SLX4IP: variants seen among roughly 807,000 people sequenced by gnomAD.
The protein encoded by SLX4IP is protein SLX4IP.
Under a neutral mutation model 32.9 loss-of-function variants are expected in SLX4IP, and 34 were observed. The observed-to-expected ratio is 1.03, with a 90% CI of 0.79 to 1.38. The LOEUF (loss-of-function observed/expected upper bound fraction) is 1.38, where lower values mean the gene tolerates loss of function less well. Ranked by LOEUF, SLX4IP falls within the 40% of genes most tolerant of loss-of-function variation. SLX4IP has a pLI of 0.00. For missense variants in SLX4IP, 444 were observed against 479.0 expected (o/e 0.93, Z 0.68); for synonymous variants, 172 against 171.7 (o/e 1.00, Z -0.01).
chr20:10,565,243 C>T (rs1031608788), intron 4 of SLX4IP, among the ~76,000 whole-genome samples: 1 of 152,138 alleles, frequency 6.6e-6, no homozygotes, highest in Admixed American at 6.5e-5. Flanking sequence ...CTTTATTTCA[C>T]TTTTTCTCTG....
At chr20:10,494,794 C>G (rs2065652889) in intron 2 of SLX4IP, among the ~76,000 whole-genome samples, 1 of 151,970 alleles carries the variant, frequency 6.6e-6, no homozygotes, top group African/African-American at 2.4e-5. Flanking sequence ...CTATTTTAGG[C>G]TGAATTGATT....
At chr20:10,510,603 T>TTA (rs1568715934) in intron 2 of SLX4IP, among the ~76,000 whole-genome samples, 5 of 128,918 alleles carry the variant, frequency 3.9e-5, no homozygotes, top group African/African-American at 1.4e-4. Context: ...TATTATTATT[T>TTA]TTATTATTTT....
intron 6 of SLX4IP, among the ~76,000 whole-genome samples, chr20:10,618,587 T>C (rs943391627): frequency 6.6e-6 from 1 of 152,236 alleles, no homozygotes; most frequent in African/African-American, 2.4e-5. Context: ...TTTTAATACC[T>C]GAGTCTCCAT....
intron 2 of SLX4IP, among the ~76,000 whole-genome samples, chr20:10,479,603 G>C (rs1600913184): frequency 6.6e-6 from 1 of 151,136 alleles, no homozygotes; most frequent in Non-Finnish European, 1.5e-5. Context: ...GCCTGCCTTG[G>C]CTCCCAAAGT....
intron 4 of SLX4IP, among the ~76,000 whole-genome samples, chr20:10,570,772 A>C (rs1348045072): frequency 6.6e-6 from 1 of 151,788 alleles, no homozygotes; most frequent in Non-Finnish European, 1.5e-5. Flanking sequence ...CAAGTGACCC[A>C]CCCGCCTTGG....
intron 6 of SLX4IP, among the ~76,000 whole-genome samples, chr20:10,602,662 A>C (rs2066856482): frequency 6.6e-6 from 1 of 152,234 alleles, no homozygotes; most frequent in African/African-American, 2.4e-5. Context: ...TAACCGGGCC[A>C]TGAAGTGTGA....
At chr20:10,546,595 A>G (rs1284737120) in intron 2 of SLX4IP, among the ~76,000 whole-genome samples, 1 of 151,998 alleles carries the variant, frequency 6.6e-6, no homozygotes, top group Admixed American at 6.5e-5. Context: ...TATGGCTGGC[A>G]TGGTGCAGAA....
At chr20:10,548,663 C>T (rs1381729152) in intron 2 of SLX4IP, among the ~76,000 whole-genome samples, 1 of 152,170 alleles carries the variant, frequency 6.6e-6, no homozygotes, top group African/African-American at 2.4e-5. Flanking sequence ...GGCACCGCAC[C>T]AAACAAAACC....
chr20:10,517,375 G>A (rs1025751891), intron 2 of SLX4IP, among the ~76,000 whole-genome samples: 2 of 152,226 alleles, frequency 1.3e-5, no homozygotes, highest in African/African-American at 2.4e-5. Context: ...AGAACGTGAT[G>A]TAGGGTGGGG....
chr20:10,590,183 CT>C, intron 4 of SLX4IP, among the ~76,000 whole-genome samples: 1 of 152,058 alleles, frequency 6.6e-6, no homozygotes, highest in South Asian at 2.1e-4. Flanking sequence ...GTATATTAAT[CT>C]TTTTAAGACC....
intron 3 of SLX4IP, among the ~76,000 whole-genome samples, chr20:10,557,378 C>T (rs1383310564): frequency 6.6e-6 from 1 of 152,196 alleles, no homozygotes; most frequent in Non-Finnish European, 1.5e-5. Context: ...TGACCTAAAG[C>T]TGAGAAAAGG....
At chr20:10,613,146 A>G (rs1202425163) in intron 6 of SLX4IP, 2 of 452,756 alleles carry the variant, frequency 4.4e-6, no homozygotes, top group Non-Finnish European at 8.1e-6. Context: ...TGCTGTGTAC[A>G]GAAGATCCAT....
At chr20:10,513,823 G>C (rs1186636231) in intron 2 of SLX4IP, among the ~76,000 whole-genome samples, 1 of 152,170 alleles carries the variant, frequency 6.6e-6, no homozygotes, top group East Asian at 1.9e-4. Flanking sequence ...ATCTCTGTGG[G>C]ACACCTGTGG....
chr20:10,626,532 T>G lies in SLX4IP; in HGVS notation c.*3153T>G, dbSNP rs1458191114. 6.6e-6 allele frequency: 1 copy of G among 152,244 alleles called. No individual in the cohort carries two copies. Among genetic ancestry groups the G allele is most frequent in the African/African-American group, 2.4e-5 (1 of 41,460 alleles). The allele number at this position is 152,244 out of a possible 1,614,324, so 9.4% of individuals were successfully genotyped here. A position where few individuals can be genotyped will look rare whatever the true frequency, so the allele number is the denominator to read the frequency against. On this transcript the variant is annotated 3_prime_UTR_variant, in exon 8 of 8. Transcript: ENST00000334534. ...TATAACTTTGAATTTCCTAACTTTCTCAGCGGCATAGATTCTAAGCCACTT... is the reference window on the plus strand; with the variant it reads ...TATAACTTTGAATTTCCTAACTTTCGCAGCGGCATAGATTCTAAGCCACTT...
chr20:10,515,387 GC>G (rs1177500547), intron 2 of SLX4IP, among the ~76,000 whole-genome samples: 2 of 152,150 alleles, frequency 1.3e-5, no homozygotes, highest in Non-Finnish European at 2.9e-5. Flanking sequence ...GCCAGACCTA[GC>G]TGAAGCATGT....
chr20:10,550,901 G>A (rs191164842), intron 2 of SLX4IP, among the ~76,000 whole-genome samples: 25 of 152,220 alleles, frequency 1.6e-4, no homozygotes, highest in East Asian at 3.9e-4. Context: ...GGTATGTGCC[G>A]TGGTCACACA....
At chr20:10,535,525 T>G (rs1453563813) in intron 2 of SLX4IP, among the ~76,000 whole-genome samples, 4 of 152,146 alleles carry the variant, frequency 2.6e-5, no homozygotes, top group Non-Finnish European at 5.9e-5. Flanking sequence ...TTTCGCCGTG[T>G]TGGCCAGGCT....
intron 4 of SLX4IP, among the ~76,000 whole-genome samples, chr20:10,570,840 T>C (rs990518703): frequency 6.6e-6 from 1 of 152,078 alleles, no homozygotes; most frequent in Non-Finnish European, 1.5e-5. Flanking sequence ...CATGCACACT[T>C]GTTTTTTGAG....
At chr20:10,594,629 A>G (rs778355681) in intron 4 of SLX4IP, among the ~76,000 whole-genome samples, 3 of 152,136 alleles carry the variant, frequency 2.0e-5, no homozygotes, top group Non-Finnish European at 4.4e-5. Context: ...AACTGTGACA[A>G]CCCAAATAAA....
Sources: allele counts gnomAD v4.1 joint callset (sites outside exome capture counted in the v4.1 genomes callset), GRCh38; gene constraint gnomAD v4.1.1; transcripts MANE v1.5; gene names NCBI Gene and HGNC (gene_info 2026-07-23, HGNC 2026-07-21).